Variants in PDE10A observed in about 807,000 individuals in gnomAD.
PDE10A encodes the protein cAMP and cAMP-inhibited cGMP 3',5'-cyclic phosphodiesterase 10A.
PDE10A carries 39 observed loss-of-function variants against 97.7 expected under a neutral mutation model. The observed-to-expected ratio is 0.40, with a 90% CI of 0.31 to 0.52. The LOEUF (loss-of-function observed/expected upper bound fraction) is 0.52, where lower values mean the gene tolerates loss of function less well. Ranked by LOEUF, PDE10A falls within the 20% of genes least tolerant of loss-of-function variation. The pLI is 0.56. For missense variants in PDE10A, 731 were observed against 1,047.8 expected (o/e 0.70, Z 4.17); for synonymous variants, 371 against 376.8 (o/e 0.98, Z 0.18).
chr6:165,794,116 T>TAC (rs34393465), intron 1 of PDE10A, among the ~76,000 whole-genome samples: 62,338 of 150,408 alleles, frequency 0.41, 12,899 homozygotes, highest in East Asian at 0.5. Flanking sequence ...TACGCAGGCA[T>TAC]ACACACACAC....
chr6:165,721,895 C>T (rs1441891219), intron 1 of PDE10A, among the ~76,000 whole-genome samples: 1 of 152,168 alleles, frequency 6.6e-6, no homozygotes, highest in African/African-American at 2.4e-5. Context: ...GCTCCTAAAT[C>T]TTTCCTCTCA....
intron 1 of PDE10A, among the ~76,000 whole-genome samples, chr6:165,688,851 TGTGA>T (rs1461789203): frequency 3.9e-5 from 6 of 152,166 alleles, no homozygotes; most frequent in Non-Finnish European, 7.4e-5. Context: ...TGTGTATCTG[TGTGA>T]GTGTGTGAGT....
At chr6:165,840,086 C>CT in intron 1 of PDE10A, among the ~76,000 whole-genome samples, 1 of 25,798 alleles carries the variant, frequency 3.9e-5, no homozygotes, top group East Asian at 1.1e-3. Flanking sequence ...CCACCTTCAT[C>CT]CCCATCCCCA....
intron 1 of PDE10A, among the ~76,000 whole-genome samples, chr6:165,892,427 CCTCAG>C (rs779814823): frequency 6.6e-6 from 1 of 152,248 alleles, no homozygotes; most frequent in Non-Finnish European, 1.5e-5. Context: ...CGCCCAGTGC[CCTCAG>C]TGGCAAGAAA....
intron 1 of PDE10A, among the ~76,000 whole-genome samples, chr6:165,697,789 T>C (rs1791475311): frequency 6.6e-6 from 1 of 152,188 alleles, no homozygotes; most frequent in African/African-American, 2.4e-5. Flanking sequence ...ATGATGGTGA[T>C]GGTTGCACAA....
intron 1 of PDE10A, among the ~76,000 whole-genome samples, chr6:165,868,382 A>G (rs1293711392): frequency 6.6e-6 from 1 of 151,998 alleles, no homozygotes; most frequent in East Asian, 1.9e-4. Flanking sequence ...ATTATGAACA[A>G]CTATTTGATA....
intron 1 of PDE10A, among the ~76,000 whole-genome samples, chr6:165,616,825 A>G (rs947658579): frequency 6.6e-6 from 1 of 152,174 alleles, no homozygotes; most frequent in Admixed American, 6.5e-5. Context: ...GACACTGTGC[A>G]CCACCAGTTT....
intron 1 of PDE10A, among the ~76,000 whole-genome samples, chr6:165,908,567 C>T (rs574027626): frequency 4.0e-4 from 61 of 152,182 alleles, no homozygotes; most frequent in Non-Finnish European, 7.5e-4. Flanking sequence ...GGGCTGCATG[C>T]GATAACACCA....
At chr6:165,372,850 A>C (rs924936673) in intron 18 of PDE10A, among the ~76,000 whole-genome samples, 2 of 151,724 alleles carry the variant, frequency 1.3e-5, no homozygotes, top group Admixed American at 6.6e-5. Flanking sequence ...TACAGTAACC[A>C]AAACAGCATG....
chr6:165,377,655 A>G (rs568518329), intron 18 of PDE10A, among the ~76,000 whole-genome samples: 1 of 152,288 alleles, frequency 6.6e-6, no homozygotes, highest in East Asian at 1.9e-4. Flanking sequence ...CCCCAGAAGA[A>G]AAAAAAGAAA....
intron 2 of PDE10A, among the ~76,000 whole-genome samples, chr6:165,486,819 T>C (rs890591880): frequency 1.3e-4 from 20 of 152,192 alleles, no homozygotes; most frequent in Non-Finnish European, 2.5e-4. Context: ...AATCAATCTG[T>C]CACTTCAGGG....
intron 1 of PDE10A, among the ~76,000 whole-genome samples, chr6:165,749,718 A>T (rs1239044437): frequency 6.6e-6 from 1 of 152,260 alleles, no homozygotes; most frequent in African/African-American, 2.4e-5. Flanking sequence ...TTATTGGTAT[A>T]TGAAAAACTA....
intron 1 of PDE10A, among the ~76,000 whole-genome samples, chr6:165,619,258 T>A (rs978956326): frequency 6.7e-6 from 1 of 149,064 alleles, no homozygotes; most frequent in South Asian, 2.1e-4. Context: ...TGTAGTCTAG[T>A]GTAGTGTAGT....
intron 1 of PDE10A, chr6:165,949,817 A>T (rs1304110095): frequency 6.6e-6 from 1 of 152,222 alleles, no homozygotes; most frequent in Non-Finnish European, 1.5e-5. Flanking sequence ...GGAAAAACGA[A>T]CACATCCAAA....
intron 1 of PDE10A, chr6:165,660,473 G>T (rs1003436371): frequency 6.6e-6 from 1 of 152,350 alleles, no homozygotes; most frequent in Non-Finnish European, 1.5e-5. Context: ...ACGGGTGTAC[G>T]AGAGGCCGCT....
chr6:165,599,823 G>A (rs767678316), intron 1 of PDE10A, among the ~76,000 whole-genome samples: 1 of 152,164 alleles, frequency 6.6e-6, no homozygotes, highest in Non-Finnish European at 1.5e-5. Context: ...CTCCTCCACA[G>A]CCTTCCTCCC....
At chr6:165,808,891 A>G (rs1779206951) in intron 1 of PDE10A, among the ~76,000 whole-genome samples, 1 of 152,230 alleles carries the variant, frequency 6.6e-6, no homozygotes, top group Non-Finnish European at 1.5e-5. Flanking sequence ...ACGTGAAGTA[A>G]AAGAGATCTT....
intron 1 of PDE10A, among the ~76,000 whole-genome samples, chr6:165,615,310 A>G (rs1280173601): frequency 6.6e-6 from 1 of 152,226 alleles, no homozygotes; most frequent in African/African-American, 2.4e-5. Flanking sequence ...ATCACATTTG[A>G]TAAGTTTACT....
chr6:165,850,591 A>C (rs1465558055), intron 1 of PDE10A, among the ~76,000 whole-genome samples: 1 of 152,138 alleles, frequency 6.6e-6, no homozygotes, highest in Non-Finnish European at 1.5e-5. Flanking sequence ...ATTCTGTTTT[A>C]CAAGAGATCG....
Sources: allele counts gnomAD v4.1 joint callset (sites outside exome capture counted in the v4.1 genomes callset), GRCh38; gene constraint gnomAD v4.1.1; transcripts MANE v1.5; gene names NCBI Gene and HGNC (gene_info 2026-07-23, HGNC 2026-07-21).